Variants in GRIP1 observed in about 807,000 individuals in gnomAD.
The protein encoded by GRIP1 is glutamate receptor-interacting protein 1.
A neutral mutation model predicts 129.9 loss-of-function variants in GRIP1; 45 were observed. That is an observed-to-expected ratio of 0.35 (90% CI 0.27 to 0.44). The LOEUF (loss-of-function observed/expected upper bound fraction) is 0.44, where lower values mean the gene tolerates loss of function less well. Ranked by LOEUF, GRIP1 falls within the 20% of genes least tolerant of loss-of-function variation. The pLI is 1.00. For synonymous variants in GRIP1, 530 were observed against 520.8 expected (o/e 1.02, Z -0.24); for missense variants, 1,196 against 1,396.8 (o/e 0.86, Z 2.29).
At chr12:66,688,435 A>G (rs1218382030) in intron 1 of GRIP1, among the ~76,000 whole-genome samples, 2 of 152,178 alleles carry the variant, frequency 1.3e-5, no homozygotes, top group Non-Finnish European at 2.9e-5. Flanking sequence ...ATATTCAAAT[A>G]TATGTGTATT....
At chr12:67,012,202 T>A (rs1352098191) in intron 1 of GRIP1, among the ~76,000 whole-genome samples, 1 of 152,218 alleles carries the variant, frequency 6.6e-6, no homozygotes, top group Non-Finnish European at 1.5e-5. Context: ...TTTGTATTCA[T>A]CATAAGGAAA....
intron 1 of GRIP1, among the ~76,000 whole-genome samples, chr12:66,995,824 T>C (rs1162715524): frequency 6.6e-6 from 1 of 152,192 alleles, no homozygotes; most frequent in Non-Finnish European, 1.5e-5. Flanking sequence ...CTCCTAGGTA[T>C]ATAACCCAAG....
intron 19 of GRIP1, among the ~76,000 whole-genome samples, chr12:66,382,656 GA>G (rs951956572): frequency 6.6e-6 from 1 of 152,164 alleles, no homozygotes; most frequent in African/African-American, 2.4e-5. Context: ...GGGAGACAAG[GA>G]AAAGAGGTAA....
chr12:66,368,462 G>A (rs903586), intron 23 of GRIP1, among the ~76,000 whole-genome samples: 8,938 of 152,156 alleles, frequency 0.059, 409 homozygotes, highest in Non-Finnish European at 0.083. Context: ...AGCCCGGTGT[G>A]CTATTCATCT....
At chr12:66,419,638 G>A (rs2057734385) in intron 15 of GRIP1, among the ~76,000 whole-genome samples, 1 of 152,176 alleles carries the variant, frequency 6.6e-6, no homozygotes, top group Non-Finnish European at 1.5e-5. Flanking sequence ...CTGCTGGGAT[G>A]GCTCCCATAG....
At chr12:66,834,935 A>AAC (rs2039585305) in intron 1 of GRIP1, among the ~76,000 whole-genome samples, 1 of 130,872 alleles carries the variant, frequency 7.6e-6, no homozygotes, top group Non-Finnish European at 1.6e-5. Context: ...TTAAAAAAAA[A>AAC]AGGGGGGGGG....
chr12:66,985,587 G>A (rs1355454372), intron 1 of GRIP1, among the ~76,000 whole-genome samples: 2 of 152,070 alleles, frequency 1.3e-5, no homozygotes, highest in Admixed American at 6.5e-5. Flanking sequence ...CAAATTTGAA[G>A]CTAAATCACC....
intron 1 of GRIP1, among the ~76,000 whole-genome samples, chr12:66,814,994 G>A (rs12314839): frequency 2.6e-5 from 4 of 151,798 alleles, no homozygotes; most frequent in Non-Finnish European, 5.9e-5. Context: ...CTGGTCCTGC[G>A]GTTGACAAAT....
At chr12:66,511,766 T>C (rs1176592373) in intron 7 of GRIP1, among the ~76,000 whole-genome samples, 1 of 152,206 alleles carries the variant, frequency 6.6e-6, no homozygotes, top group Non-Finnish European at 1.5e-5. Context: ...CAAGGAGAAC[T>C]GAGAGACAAA....
intron 1 of GRIP1, among the ~76,000 whole-genome samples, chr12:66,999,476 A>G (rs1236694936): frequency 2.6e-5 from 4 of 152,178 alleles, no homozygotes; most frequent in Admixed American, 6.6e-5. Context: ...GCCTCTCTAT[A>G]TAATAAACGC....
rs1405932386 is a variant in GRIP1, at chr12:66,699,959, T to C, written c.-419-69623A>G. On this transcript the variant is annotated intron_variant, in intron 1 of 4. Coordinates refer to the GRIP1 transcript ENST00000538373. ...GAGCATCACAAAGGAACACATTAGATACCTGAGTCCACCTCCTGGGAGGGG... is the reference window on the plus strand; with the variant it reads ...GAGCATCACAAAGGAACACATTAGACACCTGAGTCCACCTCCTGGGAGGGG... Among the ~76,000 whole-genome samples the C allele has an allele frequency of 2.0e-5, 3 of 152,118 alleles. No individual in the cohort carries two copies. The East Asian group carries it at 5.8e-4, about 29-fold the overall frequency.
At chr12:66,889,630 T>A (rs1431820014) in intron 1 of GRIP1, among the ~76,000 whole-genome samples, 1 of 152,234 alleles carries the variant, frequency 6.6e-6, no homozygotes, top group Non-Finnish European at 1.5e-5. Flanking sequence ...TTGATCAGGA[T>A]AAACAGCTAA....
chr12:67,002,331 A>G (rs913741519), intron 1 of GRIP1, among the ~76,000 whole-genome samples: 117 of 152,356 alleles, frequency 7.7e-4, no homozygotes, highest in African/African-American at 2.5e-3. Flanking sequence ...TCATGTTGAA[A>G]TTCACTGACC....
chr12:67,040,896 T>C (rs999474092), intron 1 of GRIP1, among the ~76,000 whole-genome samples: 2 of 152,084 alleles, frequency 1.3e-5, no homozygotes, highest in African/African-American at 4.8e-5. Context: ...GGCTGAGATT[T>C]GTATTTAAAT....
intron 1 of GRIP1, among the ~76,000 whole-genome samples, chr12:67,004,841 T>C (rs2042604026): frequency 6.6e-6 from 1 of 152,116 alleles, no homozygotes; most frequent in Admixed American, 6.6e-5. Flanking sequence ...TATGACTTAT[T>C]TGGACAAGCT....
intron 1 of GRIP1, among the ~76,000 whole-genome samples, chr12:67,023,830 G>A (rs746791015): frequency 6.6e-6 from 1 of 152,120 alleles, no homozygotes; most frequent in African/African-American, 2.4e-5. Flanking sequence ...CAGGGGCACA[G>A]TGTCTCCTGC....
intron 2 of GRIP1, among the ~76,000 whole-genome samples, chr12:66,542,449 T>G (rs2061814611): frequency 6.6e-6 from 1 of 152,246 alleles, no homozygotes; most frequent in East Asian, 1.9e-4. Flanking sequence ...TTATTGACTT[T>G]ACTTTCTTTG....
In GRIP1 at chr12:66,663,851, A is replaced by G. The variant is rs549979717; in HGVS notation, c.55+14999T>C. Among the ~76,000 whole-genome samples, 18 of 152,322 alleles carry G rather than the reference A, an allele frequency of 1.2e-4. No homozygotes were observed. The South Asian group carries it at 2.3e-3, about 19-fold the overall frequency. The stretch of plus-strand genomic sequence containing the variant: ...ACCTGCCAAGTGTGCACTTGAAACA[A>G]CTTGCGTTTGAAAGCCACTGTCTAA... On this transcript the variant is annotated intron_variant, in intron 1 of 24. Coordinates refer to ENST00000359742, the MANE Select transcript of GRIP1 (RefSeq NM_001366722.1).
At chr12:66,374,911 A>C (rs924869309) in intron 22 of GRIP1, among the ~76,000 whole-genome samples, 1 of 152,208 alleles carries the variant, frequency 6.6e-6, no homozygotes, top group Non-Finnish European at 1.5e-5. Context: ...CTAAAATAAA[A>C]AGCTAAAAAA....
Sources: allele counts gnomAD v4.1 joint callset (sites outside exome capture counted in the v4.1 genomes callset), GRCh38; gene constraint gnomAD v4.1.1; transcripts MANE v1.5; gene names NCBI Gene and HGNC (gene_info 2026-07-23, HGNC 2026-07-21).